VAV2: variants seen among roughly 807,000 people sequenced by gnomAD.
The protein encoded by VAV2 is guanine nucleotide exchange factor VAV2.
Under a neutral mutation model 132.5 loss-of-function variants are expected in VAV2, and 67 were observed. The observed-to-expected ratio is 0.51, with a 90% CI of 0.42 to 0.62. VAV2 has a LOEUF of 0.62. Among genes scored for constraint, VAV2 ranks in the 20% least tolerant of loss-of-function variants. The pLI, the probability that VAV2 is intolerant of heterozygous loss-of-function variation, is 0.00. For synonymous variants in VAV2, 492 were observed against 443.5 expected, an observed-to-expected ratio of 1.11 and a Z score of -1.37; for missense variants, 938 against 1,153.6, an observed-to-expected ratio of 0.81 and a Z score of 2.71.
chr9:133,793,577 C>T (rs1460854665), intron 12 of VAV2, among the ~76,000 whole-genome samples: 2 of 152,166 alleles, frequency 1.3e-5, no homozygotes, highest in East Asian at 3.9e-4. Flanking sequence ...CTCCCAAAGG[C>T]AGAAACATTA....
At chr9:133,934,205 A>T (rs1213259598) in intron 2 of VAV2, among the ~76,000 whole-genome samples, 1 of 49,044 alleles carries the variant, frequency 2.0e-5, no homozygotes, top group East Asian at 1.3e-3. Flanking sequence ...CTCCCACAAC[A>T]TGAGAGACTT....
At chr9:133,814,815 C>T (rs1290079340) in intron 4 of VAV2, among the ~76,000 whole-genome samples, 1 of 152,158 alleles carries the variant, frequency 6.6e-6, no homozygotes, top group East Asian at 1.9e-4. Flanking sequence ...TCTTTCCTCT[C>T]CCCCAGGAGC....
rs1011773602 is a variant in VAV2 at position 133,762,615 on chromosome 9, C to T, written c.*1447G>A. 2.0e-5 allele frequency: 3 copies of T among 151,398 alleles called. No homozygotes were observed. Among genetic ancestry groups the T allele is most frequent in the African/African-American group, 7.5e-5 (3 of 40,212 alleles). The allele number at this position is 151,398 out of a possible 1,614,324, so 9.4% of individuals were successfully genotyped here. A position where few individuals can be genotyped will look rare whatever the true frequency, so the allele number is the denominator to read the frequency against. ...CGCTTCCCCTGCCCTGCCTCCACCT[C>T]CCCTCATTTCCCAAGCCTTTGTCGA... On this transcript the variant is annotated 3_prime_UTR_variant, in exon 30 of 30. Transcript: ENST00000371850. This position sits in a 1 kb window ranked among gnomAD's most constrained non-coding sequence, Gnocchi z 5.0.
At position 133,919,807 on chromosome 9, in the gene VAV2, G is replaced by T. The variant is rs761363441; in HGVS notation, c.321+19296C>A. Reference sequence around the variant, plus strand: ...GAGACATGGAAGATGGAAGGTCCCCGCTGCCCCGACTGTCCCTGCCGCCCC... The same window carrying T: ...GAGACATGGAAGATGGAAGGTCCCCTCTGCCCCGACTGTCCCTGCCGCCCC... On this transcript the variant is annotated intron_variant, in intron 2 of 29. Coordinates refer to ENST00000371850, the MANE Select transcript of VAV2 (RefSeq NM_001134398.2). This position sits in a 1 kb window ranked among gnomAD's most constrained non-coding sequence, Gnocchi z 5.8. Among the ~76,000 whole-genome samples, 3 of 152,048 alleles carry T rather than the reference G, an allele frequency of 2.0e-5. No individual in the cohort carries two copies. The highest frequency in any genetic ancestry group is 4.4e-5 in the Non-Finnish European group (3 of 67,990).
chr9:133,957,838 AT>A (rs1264372447), intron 1 of VAV2, among the ~76,000 whole-genome samples: 1 of 129,376 alleles, frequency 7.7e-6, no homozygotes. Flanking sequence ...AGAAGTAGAC[AT>A]GGAAGACTCC....
At chr9:133,860,687 T>C (rs986832750) in intron 3 of VAV2, among the ~76,000 whole-genome samples, 1 of 151,996 alleles carries the variant, frequency 6.6e-6, no homozygotes. Context: ...TGCTGGCCCC[T>C]GTCCTCCCAA....
rs373267933 is a variant in VAV2, at chr9:133,766,759, A to AATATATATATATATATAT, written c.2589+1665_2589+1682dup. 2.8e-3 allele frequency among the ~76,000 whole-genome samples: 316 copies of AATATATATATATATATAT among 111,966 alleles called. 2 individuals are homozygous for AATATATATATATATATAT. Among genetic ancestry groups the AATATATATATATATATAT allele is most frequent in the Non-Finnish European group, 3.8e-3 (211 of 55,566 alleles). 73.5% of individuals were successfully genotyped at this position (111,966 alleles called of 152,430 possible). ...TACCCTAGAACTTAAAGTATAAATAAATATATATATATATATATATATATA... is the reference window on the plus strand; with the variant it reads ...TACCCTAGAACTTAAAGTATAAATAAATATATATATATATATATATATATATATATATATATATATATA... On this transcript the variant is annotated intron_variant, in intron 29 of 29. Coordinates refer to ENST00000371850, the MANE Select transcript of VAV2 (RefSeq NM_001134398.2).
intron 7 of VAV2, among the ~76,000 whole-genome samples, chr9:133,807,790 G>A (rs540037670): frequency 6.6e-6 from 1 of 152,362 alleles, no homozygotes; most frequent in Admixed American, 6.5e-5. Flanking sequence ...TCCACCCCGA[G>A]GAGTGCCGGT....
chr9:133,989,339 CAA>C (rs34368097), intron 1 of VAV2, among the ~76,000 whole-genome samples: 40 of 107,248 alleles, frequency 3.7e-4, no homozygotes, highest in Non-Finnish European at 4.4e-4. Context: ...AACTCCATCT[CAA>C]AAAAAAAAAA....
intron 1 of VAV2, among the ~76,000 whole-genome samples, chr9:133,988,695 G>A (rs976619005): frequency 7.2e-5 from 11 of 152,200 alleles, no homozygotes; most frequent in Admixed American, 2.0e-4. Context: ...AGGCTGAGGC[G>A]AGCAGATCAT....
chr9:133,819,582 G>A (rs185350277), intron 4 of VAV2, among the ~76,000 whole-genome samples: 14 of 152,124 alleles, frequency 9.2e-5, no homozygotes, highest in African/African-American at 2.7e-4. Flanking sequence ...TCAGTTATCC[G>A]AGCCTGTTGA....
chr9:133,965,249 A>G (rs571090132), intron 1 of VAV2, among the ~76,000 whole-genome samples: 1 of 152,216 alleles, frequency 6.6e-6, no homozygotes, highest in African/African-American at 2.4e-5. Context: ...GCACATTGGG[A>G]GGCCAAGGTG....
chr9:133,864,394 C>T (rs958225298), intron 2 of VAV2, among the ~76,000 whole-genome samples: 3 of 152,220 alleles, frequency 2.0e-5, no homozygotes, highest in Non-Finnish European at 4.4e-5. Flanking sequence ...CACCAGGCCA[C>T]GCTTGGTGAG....
chr9:133,801,998 A>G (rs1374332868), intron 9 of VAV2, among the ~76,000 whole-genome samples: 1 of 152,094 alleles, frequency 6.6e-6, no homozygotes, highest in Non-Finnish European at 1.5e-5. Flanking sequence ...TCATTGTTAC[A>G]GCCAAGCCAG....
intron 1 of VAV2, among the ~76,000 whole-genome samples, chr9:133,948,593 A>G (rs1564491244): frequency 6.6e-6 from 1 of 152,054 alleles, no homozygotes; most frequent in Non-Finnish European, 1.5e-5. Flanking sequence ...TGGCTGCTAC[A>G]TTTGTCCACA....
intron 2 of VAV2, among the ~76,000 whole-genome samples, chr9:133,876,498 C>A (rs185191000): frequency 4.3e-4 from 65 of 152,376 alleles, no homozygotes; most frequent in African/African-American, 1.5e-3. Flanking sequence ...GCAGAGCCCA[C>A]GCACAGGCCC....
At chr9:133,801,972 G>A (rs1834945082) in intron 9 of VAV2, among the ~76,000 whole-genome samples, 1 of 152,086 alleles carries the variant, frequency 6.6e-6, no homozygotes, top group African/African-American at 2.4e-5. Flanking sequence ...GTTGTTTCAA[G>A]CCACCATGTT....
intron 2 of VAV2, among the ~76,000 whole-genome samples, chr9:133,933,582 T>A (rs1333396510): frequency 2.1e-5 from 3 of 143,452 alleles, no homozygotes; most frequent in Non-Finnish European, 4.5e-5. Context: ...GGATGGTGGA[T>A]GGATGGACAA....
intron 3 of VAV2, among the ~76,000 whole-genome samples, chr9:133,850,214 C>T (rs890478748): frequency 1.2e-4 from 19 of 152,226 alleles, no homozygotes; most frequent in Non-Finnish European, 2.5e-4. Context: ...GAGCAAGGAT[C>T]CCAGCCGGGC....
Sources: allele counts gnomAD v4.1 joint callset (sites outside exome capture counted in the v4.1 genomes callset), GRCh38; gene constraint gnomAD v4.1.1; non-coding constraint Gnocchi (gnomAD v3.1); transcripts MANE v1.5; gene names NCBI Gene and HGNC (gene_info 2026-07-23, HGNC 2026-07-21).